The following MAST4 variants were observed in gnomAD, a reference collection of about 807,000 sequenced individuals.
MAST4 encodes microtubule-associated serine/threonine-protein kinase 4.
In MAST4, 89 loss-of-function variants were observed where a neutral mutation model predicts 162.7. The ratio of observed to expected loss-of-function variants is 0.55; its 90% CI spans 0.46 to 0.65. The LOEUF is 0.65. Ranked by LOEUF, MAST4 falls within the 30% of genes least tolerant of loss-of-function variation. The pLI is 0.00. For synonymous variants in MAST4, 1,479 were observed against 1,361.1 expected, an observed-to-expected ratio of 1.09 and a Z score of -1.91; for missense variants, 3,153 against 3,374.0, an observed-to-expected ratio of 0.93 and a Z score of 1.62.
intron 4 of MAST4, among the ~76,000 whole-genome samples, chr5:66,923,137 G>A (rs903472584): frequency 6.6e-6 from 1 of 152,314 alleles, no homozygotes; most frequent in East Asian, 1.9e-4. Flanking sequence ...AATCCTGTGA[G>A]CTCAACACAC....
At chr5:66,735,326 A>G (rs751875602) in intron 1 of MAST4, among the ~76,000 whole-genome samples, 4 of 152,218 alleles carry the variant, frequency 2.6e-5, no homozygotes, top group African/African-American at 9.6e-5. Flanking sequence ...TTTAGGTTTC[A>G]TGCAGGTTTC....
Position 66,948,382 on chromosome 5 carries a change from T to G in MAST4, c.674+48400T>G, listed in dbSNP as rs531011368. ...GTCTCTGTGTAGTATCATCAGAGAT[T>G]GCTCTTCAGTAGCTCTCTGCTTGTT... On this transcript the variant is annotated intron_variant, in intron 4 of 28. Coordinates refer to ENST00000403625, the MANE Select transcript of MAST4 (RefSeq NM_001164664.2). 2.6e-5 allele frequency among the ~76,000 whole-genome samples: 4 copies of G among 152,284 alleles called. No homozygotes were observed. In the South Asian group the frequency reaches 8.3e-4, roughly 32 times the overall value.
rs138014019 is a variant in MAST4 at position 66,683,511 on chromosome 5, C to T, written c.364-76198C>T. On this transcript the variant is annotated intron_variant, in intron 1 of 28. Coordinates refer to ENST00000403625, the MANE Select transcript of MAST4 (RefSeq NM_001164664.2). ...GTCCTGTCCTCTCTTAGTTGTCTTG[C>T]CTTCAAGGCCTTTTCAAGCTAGGAT... Among the ~76,000 whole-genome samples the T allele has an allele frequency of 1.1e-4, 16 of 152,236 alleles. No homozygotes were observed. The East Asian group carries it at 3.1e-3, about 29-fold the overall frequency.
chr5:66,999,832 G>A (rs1269045648), intron 4 of MAST4, among the ~76,000 whole-genome samples: 1 of 151,820 alleles, frequency 6.6e-6, no homozygotes, highest in African/African-American at 2.4e-5. Context: ...ATACAACCTT[G>A]CCTATTATCT....
intron 3 of MAST4, among the ~76,000 whole-genome samples, chr5:66,836,240 G>GA (rs1006664479): frequency 6.6e-6 from 1 of 151,962 alleles, no homozygotes; most frequent in Non-Finnish European, 1.5e-5. Flanking sequence ...AGTGTCAAGT[G>GA]AAAAAAAGAG....
intron 1 of MAST4, among the ~76,000 whole-genome samples, chr5:66,727,642 A>C (rs990664359): frequency 2.6e-5 from 4 of 152,216 alleles, no homozygotes; most frequent in African/African-American, 9.6e-5. Context: ...AGAGCTGCAC[A>C]CAAGGATGGT....
chr5:67,163,966 C>A lies in MAST4; in HGVS notation c.4787C>A (p.Ala1596Glu), dbSNP rs1381454591. 1.2e-6 allele frequency: 2 copies of A among 1,610,358 alleles called. No individual in the cohort carries two copies. Among genetic ancestry groups the A allele is most frequent in the East Asian group, 2.2e-5 (1 of 44,782 alleles). Reference sequence around the variant, plus strand: ...GAAAACAAAGCGTCTATGCAGGAGGCGCCACCGCTGGGCAGCCTGCTGAAG... The same window carrying A: ...GAAAACAAAGCGTCTATGCAGGAGGAGCCACCGCTGGGCAGCCTGCTGAAG... ...TFENKASMQE[A>E]PPLGSLLKDA... is the part of the protein sequence containing the mutation. The change falls in exon 29 of 29, where the codon GCG (alanine) becomes GAG (glutamate). Residue 1596 changes from alanine to glutamate, a missense_variant. Ala to Glu is a moderately radical substitution (Grantham distance 107, BLOSUM62 -1). This residue lies in a region of MAST4 where 1,644 missense variants were observed against 1,495.0 expected (regional missense o/e 1.10). Coordinates refer to ENST00000403625, the MANE Select transcript of MAST4 (RefSeq NM_001164664.2). The surrounding 1 kb of genome is among the most constrained non-coding windows in gnomAD (Gnocchi z 7.0).
chr5:67,012,540 A>G (rs1752818352), intron 4 of MAST4, among the ~76,000 whole-genome samples: 1 of 152,216 alleles, frequency 6.6e-6, no homozygotes, highest in Non-Finnish European at 1.5e-5. Flanking sequence ...AGTAGAGCCA[A>G]GATATTAAAA....
chr5:67,105,193 T>C (rs752040841), intron 10 of MAST4, among the ~76,000 whole-genome samples: 88 of 152,154 alleles, frequency 5.8e-4, no homozygotes, highest in Non-Finnish European at 1.1e-3. Context: ...ATGTATAATA[T>C]TGCTCTTCTG....
rs182499827 is a variant in MAST4, at chr5:67,070,941, C to T, written c.763+16449C>T. 1.1e-4 allele frequency among the ~76,000 whole-genome samples: 17 copies of T among 152,316 alleles called. No individual in the cohort carries two copies. In the East Asian group the frequency reaches 3.1e-3, roughly 28 times the overall value. Reference sequence around the variant, plus strand: ...GTGCTGATCAGAGCCATCCATTGCCCTCCCAACAGTATTATCTTTCTGTAG... The same window carrying T: ...GTGCTGATCAGAGCCATCCATTGCCTTCCCAACAGTATTATCTTTCTGTAG... On this transcript the variant is annotated intron_variant, in intron 5 of 28. Coordinates refer to ENST00000403625, the MANE Select transcript of MAST4 (RefSeq NM_001164664.2).
At chr5:66,884,180 A>C (rs1320796004) in intron 3 of MAST4, among the ~76,000 whole-genome samples, 1 of 152,228 alleles carries the variant, frequency 6.6e-6, no homozygotes, top group Non-Finnish European at 1.5e-5. Flanking sequence ...AAAGTGTTTC[A>C]TATTAAATTT....
chr5:66,693,177 A>G (rs1297057702), intron 1 of MAST4, among the ~76,000 whole-genome samples: 2 of 152,114 alleles, frequency 1.3e-5, no homozygotes, highest in Non-Finnish European at 2.9e-5. Flanking sequence ...CCGGGAACTA[A>G]TGTTTCTTGT....
chr5:66,943,474 G>A (rs1743603189), intron 4 of MAST4, among the ~76,000 whole-genome samples: 1 of 152,014 alleles, frequency 6.6e-6, no homozygotes, highest in African/African-American at 2.4e-5. Flanking sequence ...GTACAGGGAA[G>A]TTTCAGGAGC....
intron 4 of MAST4, among the ~76,000 whole-genome samples, chr5:67,038,636 A>G (rs1278058368): frequency 1.3e-5 from 2 of 152,238 alleles, no homozygotes; most frequent in Non-Finnish European, 2.9e-5. Flanking sequence ...TTGTAGAAAG[A>G]CAGCATAACC....
intron 27 of MAST4, among the ~76,000 whole-genome samples, chr5:67,161,162 G>A (rs778640552): frequency 7.9e-5 from 12 of 152,124 alleles, no homozygotes. Context: ...TGTGTTTCTG[G>A]CAGGGCTGTT....
intron 3 of MAST4, among the ~76,000 whole-genome samples, chr5:66,872,231 G>A (rs531109194): frequency 2.4e-4 from 37 of 152,188 alleles, no homozygotes; most frequent in Non-Finnish European, 4.0e-4. Flanking sequence ...GTGCAGTGGC[G>A]TGATCTCGGC....
At chr5:66,946,530 C>T (rs1561468676) in intron 4 of MAST4, among the ~76,000 whole-genome samples, 2 of 152,112 alleles carry the variant, frequency 1.3e-5, no homozygotes, top group Admixed American at 6.6e-5. Context: ...AGGAATGATA[C>T]AGGCATTGGA....
chr5:66,726,437 T>G (rs1251822597), intron 1 of MAST4, among the ~76,000 whole-genome samples: 1 of 152,120 alleles, frequency 6.6e-6, no homozygotes, highest in Non-Finnish European at 1.5e-5. Flanking sequence ...AATGATAAGA[T>G]AGCTGCTTGG....
intron 3 of MAST4, among the ~76,000 whole-genome samples, chr5:66,849,877 A>T (rs1759175878): frequency 6.6e-6 from 1 of 152,232 alleles, no homozygotes. Flanking sequence ...AAGAAATATA[A>T]TTTGATAAAA....
Sources: gnomAD v4.1 joint callset for allele counts (sites outside exome capture counted in the v4.1 genomes callset) on GRCh38, gnomAD v4.1.1 for gene constraint, gnomAD v4.1.1 regional missense constraint, Gnocchi (gnomAD v3.1) non-coding constraint, MANE v1.5 for transcripts, NCBI Gene and HGNC (gene_info 2026-07-23, HGNC 2026-07-21) for gene names.